The following NMNAT2 variants were observed in gnomAD, a reference collection of about 807,000 sequenced individuals.
NMNAT2 encodes the protein nicotinamide/nicotinic acid mononucleotide adenylyltransferase 2.
NMNAT2 carries 11 observed loss-of-function variants against 41.6 expected under a neutral mutation model. The ratio of observed to expected loss-of-function variants is 0.26; its 90% CI spans 0.17 to 0.44. NMNAT2 has a LOEUF of 0.44. Among genes scored for constraint, NMNAT2 ranks in the 20% least tolerant of loss-of-function variants. The pLI, the probability that NMNAT2 is intolerant of heterozygous loss-of-function variation, is 1.00. For missense variants in NMNAT2, 288 were observed against 407.7 expected, an observed-to-expected ratio of 0.71 and a Z score of 2.53; for synonymous variants, 148 against 151.2, an observed-to-expected ratio of 0.98 and a Z score of 0.16.
intron 4 of NMNAT2, among the ~76,000 whole-genome samples, chr1:183,288,698 A>C (rs975562859): frequency 2.6e-5 from 4 of 152,256 alleles, no homozygotes; most frequent in African/African-American, 9.6e-5. Context: ...GGACTGCAGG[A>C]ACTCCCCAGG....
chr1:183,348,985 T>C (rs1662989780), intron 1 of NMNAT2, among the ~76,000 whole-genome samples: 1 of 152,206 alleles, frequency 6.6e-6, no homozygotes, highest in Admixed American at 6.5e-5. Flanking sequence ...GAACACAGCA[T>C]GGACTCGGTG....
intron 3 of NMNAT2, 129 bp from the exon 4 acceptor site, chr1:183,290,335 A>T (rs1661508559): frequency 1.5e-6 from 1 of 666,018 alleles, no homozygotes; most frequent in African/African-American, 1.8e-5. Flanking sequence ...ATCTTGAATC[A>T]GATAAAACCT....
At chr1:183,327,633 G>C (rs748477562) in intron 1 of NMNAT2, among the ~76,000 whole-genome samples, 4 of 152,160 alleles carry the variant, frequency 2.6e-5, no homozygotes, top group Non-Finnish European at 5.9e-5. Context: ...GGTGGGTAGG[G>C]GTGAGTGGTT....
At chr1:183,408,825 A>G (rs1649037860) in intron 1 of NMNAT2, among the ~76,000 whole-genome samples, 1 of 152,184 alleles carries the variant, frequency 6.6e-6, no homozygotes, top group East Asian at 1.9e-4. Context: ...TATGTACAAT[A>G]TTTATTGTCT....
chr1:183,310,205 A>G (rs1662081247), intron 1 of NMNAT2, among the ~76,000 whole-genome samples: 1 of 152,146 alleles, frequency 6.6e-6, no homozygotes, highest in African/African-American at 2.4e-5. Flanking sequence ...TAAAATACTG[A>G]ATTTCTAATT....
intron 1 of NMNAT2, among the ~76,000 whole-genome samples, chr1:183,417,615 T>TG (rs1649292619): frequency 1.3e-5 from 2 of 151,988 alleles, no homozygotes; most frequent in African/African-American, 2.4e-5. Flanking sequence ...GGCCCACAAT[T>TG]CCCAAACACT....
chr1:183,255,576 T>C (rs1485588658), intron 10 of NMNAT2, among the ~76,000 whole-genome samples: 1 of 152,156 alleles, frequency 6.6e-6, no homozygotes, highest in Non-Finnish European at 1.5e-5. Flanking sequence ...CATTTATTTG[T>C]GTTGTCTTCA....
intron 1 of NMNAT2, among the ~76,000 whole-genome samples, chr1:183,362,896 G>T (rs1304435034): frequency 6.6e-6 from 1 of 152,110 alleles, no homozygotes; most frequent in Non-Finnish European, 1.5e-5. Flanking sequence ...TTGTATGAGG[G>T]TTGATTTCTC....
chr1:183,307,043 C>A (rs1250350559), intron 1 of NMNAT2, among the ~76,000 whole-genome samples: 1 of 151,894 alleles, frequency 6.6e-6, no homozygotes, highest in Non-Finnish European at 1.5e-5. Context: ...AAAGAAAACT[C>A]AAAAACTCTT....
chr1:183,311,239 A>G (rs1662112125), intron 1 of NMNAT2, among the ~76,000 whole-genome samples: 1 of 152,186 alleles, frequency 6.6e-6, no homozygotes, highest in Non-Finnish European at 1.5e-5. Flanking sequence ...CCAGTCATTA[A>G]GAGCACAGGA....
intron 1 of NMNAT2, among the ~76,000 whole-genome samples, chr1:183,340,099 G>A (rs577384138): frequency 1.3e-5 from 2 of 152,300 alleles, no homozygotes; most frequent in East Asian, 1.9e-4. Context: ...AGCCTTGCAA[G>A]GGCCTCAGGC....
chr1:183,368,635 C>T (rs1415247170), intron 1 of NMNAT2, among the ~76,000 whole-genome samples: 1 of 152,206 alleles, frequency 6.6e-6, no homozygotes, highest in Non-Finnish European at 1.5e-5. Context: ...CATTCCTGAT[C>T]TCAACTCTAA....
Position 183,389,839 on chromosome 1 carries a change from A to G in NMNAT2, c.85+28344T>C, listed in dbSNP as rs1245989733. ...AAGAAAGAAAGAAAGAAAGAAAGAA[A>G]GAAAGGAAAAAAGAGAAAGAAAGAA... On this transcript the variant is annotated intron_variant, in intron 1 of 10. Coordinates refer to ENST00000287713, the MANE Select transcript of NMNAT2 (RefSeq NM_015039.4). 4.2e-5 allele frequency among the ~76,000 whole-genome samples: 3 copies of G among 71,480 alleles called. 1 individual carries two copies. The highest frequency in any genetic ancestry group is 1.4e-4 in the African/African-American group (3 of 21,452). The allele number at this position is 71,480 out of a possible 152,430, so 46.9% of individuals were successfully genotyped here.
At chr1:183,309,739 CAAGAG>C (rs1662066587) in intron 1 of NMNAT2, among the ~76,000 whole-genome samples, 1 of 152,154 alleles carries the variant, frequency 6.6e-6, no homozygotes, top group Admixed American at 6.5e-5. Context: ...CCCCCAAGCC[CAAGAG>C]TAGAAAGGAG....
At chr1:183,359,388 G>A (rs563949628) in intron 1 of NMNAT2, among the ~76,000 whole-genome samples, 132 of 152,276 alleles carry the variant, frequency 8.7e-4, no homozygotes, top group Admixed American at 2.5e-3. Context: ...CCAAGAGATA[G>A]AAAAGAAGAG....
At chr1:183,338,148 T>TAAAAA (rs1557882320) in intron 1 of NMNAT2, among the ~76,000 whole-genome samples, 4 of 19,818 alleles carry the variant, frequency 2.0e-4, no homozygotes, top group African/African-American at 5.3e-4. Flanking sequence ...CCCCATCTCT[T>TAAAAA]TAAAAAAAAA....
chr1:183,348,526 A>G lies in NMNAT2; in HGVS notation c.86-54733T>C, dbSNP rs527933606. On this transcript the variant is annotated intron_variant, in intron 1 of 10. Coordinates refer to ENST00000287713, the MANE Select transcript of NMNAT2 (RefSeq NM_015039.4). ...ACCCTTTTCTCAGTCAAAAAATCAG[A>G]GAAGGAGATTGGGGGTGTGGGGGAA... Among the ~76,000 whole-genome samples the G allele has an allele frequency of 2.3e-4, 35 of 152,320 alleles. 1 individual carries two copies. The South Asian group carries it at 6.2e-3, about 27-fold the overall frequency.
At chr1:183,390,500 T>A (rs1056577535) in intron 1 of NMNAT2, among the ~76,000 whole-genome samples, 2 of 152,196 alleles carry the variant, frequency 1.3e-5, no homozygotes, top group African/African-American at 4.8e-5. Flanking sequence ...TCACATATAC[T>A]TGTTGGCTGC....
At chr1:183,364,907 G>A (rs1320392808) in intron 1 of NMNAT2, among the ~76,000 whole-genome samples, 1 of 152,012 alleles carries the variant, frequency 6.6e-6, no homozygotes, top group Non-Finnish European at 1.5e-5. Context: ...TGGCCAGGCT[G>A]GTCTTGAACT....
Sources: allele counts gnomAD v4.1 joint callset (sites outside exome capture counted in the v4.1 genomes callset), GRCh38; gene constraint gnomAD v4.1.1; transcripts MANE v1.5; gene names NCBI Gene and HGNC (gene_info 2026-07-23, HGNC 2026-07-21).